The following VAT1L variants were observed in gnomAD, a reference collection of about 807,000 sequenced individuals.
VAT1L encodes putative NADPH-dependent quinone oxidoreductase VAT1L.
A neutral mutation model predicts 44.1 loss-of-function variants in VAT1L; 34 were observed. The observed-to-expected ratio is 0.77, with a 90% CI of 0.59 to 1.03. The LOEUF (loss-of-function observed/expected upper bound fraction) is 1.03, where lower values mean the gene tolerates loss of function less well. Among genes scored for constraint, VAT1L ranks in the 50% least tolerant of loss-of-function variants. The probability of loss-of-function intolerance (pLI) is 0.00; values close to 1 mark genes in which losing one functional copy is unlikely to be tolerated. For missense variants in VAT1L, 615 were observed against 538.8 expected (o/e 1.14, Z -1.40); for synonymous variants, 253 against 202.2 (o/e 1.25, Z -2.13).
intron 1 of VAT1L, chr16:77,801,621 T>C (rs953342281): frequency 3.9e-5 from 6 of 151,916 alleles, no homozygotes; most frequent in Admixed American, 3.9e-4. Context: ...GATGAGACTT[T>C]CAAACTGCAC....
chr16:77,943,644 C>T (rs759373435), intron 7 of VAT1L, among the ~76,000 whole-genome samples: 9 of 150,858 alleles, frequency 6.0e-5, no homozygotes, highest in Middle Eastern at 3.4e-3. Flanking sequence ...CCTCATGATC[C>T]GCCTGTCTCG....
intron 3 of VAT1L, among the ~76,000 whole-genome samples, chr16:77,854,051 C>T (rs2016832477): frequency 1.3e-5 from 2 of 151,950 alleles, no homozygotes; most frequent in African/African-American, 2.4e-5. Context: ...GCTCTTGAAC[C>T]CGGGAGGTGG....
At chr16:77,930,681 C>T (rs2017721469) in intron 7 of VAT1L, among the ~76,000 whole-genome samples, 1 of 152,146 alleles carries the variant, frequency 6.6e-6, no homozygotes, top group Non-Finnish European at 1.5e-5. Flanking sequence ...GTGTTGAAAG[C>T]CCCCACTGTT....
chr16:77,958,715 T>G (rs1233777111), intron 7 of VAT1L, among the ~76,000 whole-genome samples: 3 of 152,204 alleles, frequency 2.0e-5, no homozygotes, highest in Non-Finnish European at 4.4e-5. Flanking sequence ...CTTACGACCA[T>G]GATGTATATT....
At chr16:77,944,916 G>A (rs79578867) in intron 7 of VAT1L, among the ~76,000 whole-genome samples, 5 of 151,910 alleles carry the variant, frequency 3.3e-5, no homozygotes, top group African/African-American at 4.8e-5. Flanking sequence ...TCTGCCCCCC[G>A]CCACACACAC....
At chr16:77,863,265 A>T (rs568699587) in intron 4 of VAT1L, among the ~76,000 whole-genome samples, 11 of 152,346 alleles carry the variant, frequency 7.2e-5, no homozygotes, top group Middle Eastern at 6.8e-3. Flanking sequence ...TTATGGTTCC[A>T]CTATTGTCTT....
At position 77,879,273 on chromosome 16, in the gene VAT1L, A is replaced by G. The variant is rs762567039; in HGVS notation, c.882+49A>G. On this transcript the variant is annotated intron_variant, in intron 6 of 8. Transcript: ENST00000302536. The surrounding 1 kb of genome is among the most constrained non-coding windows in gnomAD (Gnocchi z 4.1). ...GTACTGTGGTGGCATGTTGATTCAC[A>G]TGTTGAGAGCTTTGTTTTTGTTTGT... 29 of 1,573,456 alleles carry G rather than the reference A, an allele frequency of 1.8e-5. No individual in the cohort carries two copies. Among genetic ancestry groups the G allele is most frequent in the Middle Eastern group, 3.3e-4 (2 of 5,986 alleles).
intron 7 of VAT1L, among the ~76,000 whole-genome samples, chr16:77,959,533 T>C (rs1180156036): frequency 6.6e-6 from 1 of 152,238 alleles, no homozygotes; most frequent in East Asian, 1.9e-4. Context: ...TTTTAATTTA[T>C]CATCTAACAG....
At chr16:77,965,711 C>A (rs955891989) in intron 7 of VAT1L, among the ~76,000 whole-genome samples, 5 of 152,210 alleles carry the variant, frequency 3.3e-5, no homozygotes, top group Non-Finnish European at 7.3e-5. Context: ...CTTAGCAGGC[C>A]ACCAAGAGAT....
chr16:77,873,933 A>G (rs111541736), intron 4 of VAT1L, among the ~76,000 whole-genome samples: 5 of 152,282 alleles, frequency 3.3e-5, no homozygotes, highest in African/African-American at 1.2e-4. Flanking sequence ...GGGGAAGTGC[A>G]CAGGAGTTTA....
intron 3 of VAT1L, among the ~76,000 whole-genome samples, chr16:77,858,364 A>G (rs1288519603): frequency 3.3e-5 from 5 of 152,216 alleles, no homozygotes; most frequent in African/African-American, 1.2e-4. Flanking sequence ...TGATGCTAAA[A>G]TAGCATAGTC....
chr16:77,788,954 CGCGCTGG>C lies in VAT1L; in HGVS notation c.233+48_233+54del, dbSNP rs1165911833. 7.0e-6 allele frequency: 10 copies of C among 1,437,948 alleles called. No individual in the cohort carries two copies. The South Asian group carries it at 1.3e-4, about 19-fold the overall frequency. 89.1% of individuals were successfully genotyped at this position (1,437,948 alleles called of 1,614,324 possible). On this transcript the variant is annotated intron_variant, in intron 1 of 8. Coordinates refer to ENST00000302536, the MANE Select transcript of VAT1L (RefSeq NM_020927.3). ...GCCTTTCTCGCTTTCTCTCTTTTTG[CGCGCTGG>C]GCGCTGGGGAGGGGGTGGGAAAGCT...
At chr16:77,917,432 T>A (rs1308681046) in intron 7 of VAT1L, among the ~76,000 whole-genome samples, 1 of 152,210 alleles carries the variant, frequency 6.6e-6, no homozygotes, top group Non-Finnish European at 1.5e-5. Flanking sequence ...CTAAAGGAAC[T>A]CAGGTTTCAG....
Position 77,879,197 on chromosome 16 carries a change from C to A in VAT1L, c.855C>A (p.Thr285=). Residue 285 remains threonine (T), a synonymous_variant, in exon 6 of 9, where the codon ACC becomes ACA. Coordinates refer to ENST00000302536, the MANE Select transcript of VAT1L (RefSeq NM_020927.3). The surrounding 1 kb of genome is among the most constrained non-coding windows in gnomAD (Gnocchi z 4.1). ...CATCCAACATGGTAACTGGAGAGAC[C>A]AAGAGCTTCTTCAGCTTTGCAAAAT... ...YGSSNMVTGE[T]KSFFSFAKSW... is the part of the protein sequence containing the mutation. 6.2e-7 allele frequency: 1 copy of A among 1,614,146 alleles called. No individual in the cohort carries two copies. Among genetic ancestry groups the A allele is most frequent in the African/African-American group, 1.3e-5 (1 of 75,040 alleles).
chr16:77,955,454 G>A (rs1372449934), intron 7 of VAT1L, among the ~76,000 whole-genome samples: 3 of 152,184 alleles, frequency 2.0e-5, no homozygotes, highest in Non-Finnish European at 4.4e-5. Flanking sequence ...GCCGGGCGTG[G>A]TGGCTCACAC....
rs189966759 is a variant in VAT1L at position 77,966,621 on chromosome 16, T to G, written c.1078-5229T>G. 4.1e-3 allele frequency among the ~76,000 whole-genome samples: 627 copies of G among 152,318 alleles called. 1 individual carries two copies. Among genetic ancestry groups the G allele is most frequent in the Non-Finnish European group, 7.2e-3 (490 of 68,032 alleles). ...GTTCAGCAGAATTATGTGAGCCACA[T>G]GCAAAGTTTTAAATTTTCTAGTTTC... On this transcript the variant is annotated intron_variant, in intron 7 of 8. Transcript: ENST00000302536.
chr16:77,967,450 C>A (rs1466510303), intron 7 of VAT1L, among the ~76,000 whole-genome samples: 1 of 152,188 alleles, frequency 6.6e-6, no homozygotes, highest in African/African-American at 2.4e-5. Flanking sequence ...AATATCATTT[C>A]TTTCCTTCAA....
intron 7 of VAT1L, among the ~76,000 whole-genome samples, chr16:77,947,919 C>T (rs1452506834): frequency 1.3e-5 from 2 of 152,098 alleles, no homozygotes; most frequent in Non-Finnish European, 2.9e-5. Flanking sequence ...GCCACCACGC[C>T]CAGCTAATTT....
intron 1 of VAT1L, among the ~76,000 whole-genome samples, chr16:77,805,016 C>A (rs1597167976): frequency 6.6e-6 from 1 of 152,048 alleles, no homozygotes; most frequent in African/African-American, 2.4e-5. Context: ...AGAGGGTGGA[C>A]AGGGTTATGT....
Sources: allele counts gnomAD v4.1 joint callset (sites outside exome capture counted in the v4.1 genomes callset), GRCh38; gene constraint gnomAD v4.1.1; non-coding constraint Gnocchi (gnomAD v3.1); transcripts MANE v1.5; gene names NCBI Gene and HGNC (gene_info 2026-07-23, HGNC 2026-07-21).